HECTD4: variants seen among roughly 807,000 people sequenced by gnomAD.
HECTD4 encodes the protein HECT domain E3 ubiquitin protein ligase 4, also known as probable E3 ubiquitin-protein ligase HECTD4.
Under a neutral mutation model 471.5 loss-of-function variants are expected in HECTD4, and 114 were observed. The observed-to-expected ratio is 0.24, with a 90% CI of 0.21 to 0.28. HECTD4 has a LOEUF of 0.28. HECTD4 is among the 10% of genes least tolerant of loss of function. The pLI is 1.00. For synonymous variants in HECTD4, 2,012 were observed against 2,256.0 expected, an observed-to-expected ratio of 0.89 and a Z score of 3.07; for missense variants, 3,866 against 5,651.5, an observed-to-expected ratio of 0.68 and a Z score of 10.13.
At chr12:112,266,890 A>C (rs2034287906) in intron 14 of HECTD4, 22 bp downstream of exon 14, 1 of 1,236,148 alleles carries the variant, frequency 8.1e-7, no homozygotes, top group Non-Finnish European at 1.2e-6. Flanking sequence ...CTGTTCAAAG[A>C]TAATTAAAGG....
rs747436660 is a variant in HECTD4 at position 112,249,735 on chromosome 12, CAT to C, written c.3950+407_3950+408del. On this transcript the variant is annotated intron_variant, in intron 25 of 75. Transcript: ENST00000682272. ...TTTCTCTAGGCATCAAAAATAAACA[CAT>C]GTCTCTAGACTCTGGAAAGTAAAGT... is the stretch of plus-strand genomic sequence containing the variant. 1.6e-4 allele frequency: 31 copies of C among 190,860 alleles called. No individual in the cohort carries two copies. In the South Asian group the frequency reaches 2.2e-3, roughly 13 times the overall value. 11.8% of individuals were successfully genotyped at this position (190,860 alleles called of 1,614,324 possible).
intron 13 of HECTD4, among the ~76,000 whole-genome samples, chr12:112,268,198 CAT>C (rs2034324454): frequency 6.6e-6 from 1 of 152,096 alleles, no homozygotes; most frequent in South Asian, 2.1e-4. Flanking sequence ...ATAAGTCTGA[CAT>C]ATGTATACAC....
intron 1 of HECTD4, among the ~76,000 whole-genome samples, chr12:112,376,542 G>A (rs1044638556): frequency 2.0e-5 from 3 of 151,984 alleles, no homozygotes; most frequent in Admixed American, 6.6e-5. Context: ...CACCACGCCC[G>A]GCCACACTCT....
chr12:112,209,549 C>T (rs1174876951), intron 50 of HECTD4, among the ~76,000 whole-genome samples: 7 of 152,188 alleles, frequency 4.6e-5, no homozygotes, highest in African/African-American at 1.7e-4. Flanking sequence ...TGGTCTCGAA[C>T]TCCCAACCTT....
chr12:112,192,755 A>T lies in HECTD4; in HGVS notation c.9097T>A (p.Tyr3033Asn). The change falls in exon 59 of 76, where the codon TAC becomes AAC. Residue 3033 changes from tyrosine to asparagine, a missense_variant. By Grantham distance (143) the Tyr-to-Asn change is moderately radical. Coordinates refer to ENST00000682272, the MANE Select transcript of HECTD4 (RefSeq NM_001388303.1). Reference sequence around the variant, plus strand: ...AGCACCCGTGCCCACGGTGCCTTGTACAGAGAGGAGCTGAGAAGGAGGGAT... The same window carrying T: ...AGCACCCGTGCCCACGGTGCCTTGTTCAGAGAGGAGCTGAGAAGGAGGGAT... ...QSGFRKDSSLYKAPWARVLVY... is the reference protein window; with the variant it reads ...QSGFRKDSSLNKAPWARVLVY... 6.3e-7 allele frequency: 1 copy of T among 1,582,096 alleles called. No homozygotes were observed. The highest frequency in any genetic ancestry group is 2.3e-5 in the East Asian group (1 of 43,368).
chr12:112,351,299 T>C (rs980506326), intron 1 of HECTD4, among the ~76,000 whole-genome samples: 1 of 152,198 alleles, frequency 6.6e-6, no homozygotes, highest in Non-Finnish European at 1.5e-5. Context: ...ACCAGCCTCA[T>C]GATCGCGTCA....
chr12:112,171,350 G>A, intron 67 of HECTD4, 87 bp from the exon 68 acceptor site: 1 of 1,530,900 alleles, frequency 6.5e-7, no homozygotes, highest in Non-Finnish European at 8.7e-7. Flanking sequence ...CCCTATCACT[G>A]CGAACAGGAT....
chr12:112,244,777 C>A (rs918910001), intron 29 of HECTD4, among the ~76,000 whole-genome samples: 2 of 152,098 alleles, frequency 1.3e-5, no homozygotes, highest in African/African-American at 4.8e-5. Flanking sequence ...TTTAATGATA[C>A]CTCTGCTTTG....
chr12:112,195,888 G>A (rs1459069925), intron 55 of HECTD4, among the ~76,000 whole-genome samples: 5 of 152,146 alleles, frequency 3.3e-5, no homozygotes, highest in South Asian at 2.1e-4. Flanking sequence ...TGGGCCAGGC[G>A]CAATGGCTTA....
chr12:112,216,430 C>A, intron 47 of HECTD4, 59 bp from the exon 48 acceptor site: 1 of 1,183,418 alleles, frequency 8.5e-7, no homozygotes, highest in Non-Finnish European at 1.2e-6. Flanking sequence ...CACTGGCCAA[C>A]ACACAAACAG....
rs1486238578 is a variant in HECTD4, at chr12:112,269,792, G to A, written c.2233C>T (p.Arg745Trp). 12 of 1,613,670 alleles carry A rather than the reference G, an allele frequency of 7.4e-6. No individual in the cohort carries two copies. The highest frequency in any genetic ancestry group is 1.1e-5 in the South Asian group (1 of 91,066). Reference protein sequence around the residue: ...QTERNRDIIRRSGLLLWQLLM... With the variant: ...QTERNRDIIRWSGLLLWQLLM... ...AACTGCCAAAGAAGCAATCCCGACCGTCGAATGATGTCTCGATTCCTTTCA... is the reference window on the plus strand; with the variant it reads ...AACTGCCAAAGAAGCAATCCCGACCATCGAATGATGTCTCGATTCCTTTCA... The change falls in exon 13 of 76, where the codon CGG (arginine) becomes TGG (tryptophan). Residue 745 changes from arginine to tryptophan, a missense_variant. Around this residue, in one of 16 missense-constraint regions of HECTD4, gnomAD observed 525 missense variants for 672.6 expected, o/e 0.78. Transcript: ENST00000682272.
rs140401737 is a variant in HECTD4 at position 112,323,947 on chromosome 12, CTTCT to C, written c.178-4209_178-4206del. Among the ~76,000 whole-genome samples, 460 of 66,794 alleles carry C rather than the reference CTTCT, an allele frequency of 6.9e-3. 49 individuals carry two copies. The highest frequency in any genetic ancestry group is 7.9e-3 in the Admixed American group (51 of 6,432). 43.8% of individuals were successfully genotyped at this position (66,794 alleles called of 152,430 possible). ...ATTAGAGGTATTTTTTACTGAGGTG[CTTCT>C]TTCTTTCTTTCTTTCTTCCTTCCTT... On this transcript the variant is annotated intron_variant, in intron 1 of 75. Transcript: ENST00000682272.
chr12:112,319,476 C>T lies in HECTD4; in HGVS notation c.444G>A (p.Leu148=). The change falls in exon 2 of 76, where the codon CTG becomes CTA. Residue 148 remains leucine (L), a synonymous_variant. Transcript: ENST00000682272. This position sits in a 1 kb window ranked among gnomAD's most constrained non-coding sequence, Gnocchi z 5.3. ...QAPFTSRMGL[L]LVFPLIQSQS... ...GGGACTGAATAAGGGGGAAGACCAG[C>T]AGGAGCCCCATCCTCGATGTGAAGG... 2 of 1,516,940 alleles carry T rather than the reference C, an allele frequency of 1.3e-6. No individual in the cohort carries two copies. Among genetic ancestry groups the T allele is most frequent in the Non-Finnish European group, 1.8e-6 (2 of 1,135,624 alleles). The allele number at this position is 1,516,940 out of a possible 1,614,324, so 94.0% of individuals were successfully genotyped here.
At chr12:112,258,640 G>A in intron 19 of HECTD4, 44 bp from the exon 20 acceptor site, 2 of 1,499,994 alleles carry the variant, frequency 1.3e-6, no homozygotes, top group African/African-American at 1.4e-5. Context: ...GCTACTGTCA[G>A]TTATCTGAAT....
intron 8 of HECTD4, among the ~76,000 whole-genome samples, chr12:112,280,679 T>C (rs2034618336): frequency 6.6e-6 from 1 of 152,050 alleles, no homozygotes; most frequent in Admixed American, 6.6e-5. Flanking sequence ...CAGCAATAAT[T>C]GGAAAATTAG....
chr12:112,305,505 T>C (rs541231804), intron 7 of HECTD4, among the ~76,000 whole-genome samples: 42 of 152,336 alleles, frequency 2.8e-4, no homozygotes, highest in Non-Finnish European at 1.8e-4. Flanking sequence ...CGTGCGCTTA[T>C]TTGCTCACTT....
chr12:112,308,882 C>G lies in HECTD4; in HGVS notation c.1035G>C (p.Val345=). Residue 345 remains valine, a synonymous_variant, in exon 6 of 76, where the codon GTG becomes GTC. Coordinates refer to ENST00000682272, the MANE Select transcript of HECTD4 (RefSeq NM_001388303.1). ...SGLHGTLRGF[V]YCRNEELEPG... ...GTTCCAACTCCTCGTTCCGGCAGTA[C>G]ACAAAACCTCTGTGGAATGAAATGG... 6.5e-7 allele frequency: 1 copy of G among 1,535,846 alleles called. No individual in the cohort carries two copies. The highest frequency in any genetic ancestry group is 8.7e-7 in the Non-Finnish European group (1 of 1,146,800).
intron 21 of HECTD4, among the ~76,000 whole-genome samples, chr12:112,255,964 T>G (rs1202017242): frequency 6.6e-6 from 1 of 152,196 alleles, no homozygotes; most frequent in Non-Finnish European, 1.5e-5. Context: ...GAGACCTTTC[T>G]AGATGAATGG....
intron 1 of HECTD4, among the ~76,000 whole-genome samples, chr12:112,360,542 T>TA (rs2036430709): frequency 6.6e-6 from 1 of 152,054 alleles, no homozygotes. Flanking sequence ...AACAGAAATA[T>TA]AGAGAAAGGA....
Sources: allele counts gnomAD v4.1 joint callset (sites outside exome capture counted in the v4.1 genomes callset), GRCh38; gene constraint gnomAD v4.1.1; regional missense constraint gnomAD v4.1.1; non-coding constraint Gnocchi (gnomAD v3.1); transcripts MANE v1.5; gene names NCBI Gene and HGNC (gene_info 2026-07-23, HGNC 2026-07-21).